Variants in FOXP1 observed in about 807,000 individuals in gnomAD.
FOXP1 encodes forkhead box protein P1.
In FOXP1, 15 loss-of-function variants were observed where a neutral mutation model predicts 98.2. The ratio of observed to expected loss-of-function variants is 0.15; its 90% CI spans 0.10 to 0.24. The LOEUF is 0.24. Ranked by LOEUF, FOXP1 falls within the 10% of genes least tolerant of loss-of-function variation. FOXP1 has a pLI of 1.00. For synonymous variants in FOXP1, 371 were observed against 314.5 expected, an observed-to-expected ratio of 1.18 and a Z score of -1.90; for missense variants, 633 against 848.5, an observed-to-expected ratio of 0.75 and a Z score of 3.15.
At chr3:71,361,298 C>T (rs1207161736) in intron 3 of FOXP1, among the ~76,000 whole-genome samples, 1 of 152,116 alleles carries the variant, frequency 6.6e-6, no homozygotes, top group African/African-American at 2.4e-5. Flanking sequence ...AGTGGATTTA[C>T]ACTGGCTGCC....
intron 18 of FOXP1, chr3:70,972,111 A>G (rs755972737): frequency 1.3e-6 from 2 of 1,533,636 alleles, no homozygotes; most frequent in Non-Finnish European, 1.7e-6. Flanking sequence ...TCAACTGTCC[A>G]AAAGGACCCA....
chr3:71,131,465 G>A (rs1467147478), intron 6 of FOXP1, among the ~76,000 whole-genome samples: 3 of 151,004 alleles, frequency 2.0e-5, no homozygotes, highest in Non-Finnish European at 4.4e-5. Flanking sequence ...TTGCTCTTGT[G>A]GCAATGTTCT....
intron 2 of FOXP1, among the ~76,000 whole-genome samples, chr3:71,554,434 C>T (rs1395934198): frequency 2.0e-5 from 3 of 152,058 alleles, no homozygotes; most frequent in Admixed American, 2.0e-4. Flanking sequence ...CAATGTTAAA[C>T]TTTTTAATGG....
chr3:71,579,048 G>A (rs957075692), intron 2 of FOXP1, among the ~76,000 whole-genome samples: 3 of 152,114 alleles, frequency 2.0e-5, no homozygotes, highest in African/African-American at 7.2e-5. Context: ...GTGCACCATG[G>A]TTATGAAACT....
In FOXP1 at chr3:70,981,191, CAAAAAAAAAAAA is replaced by C. The variant is rs71104406; in HGVS notation, c.1147-3174_1147-3163del. ...ATCGCACCACTAGGACTCTTTCTAC[CAAAAAAAAAAAA>C]AAAAAAAAAAAAAAAGCAACAGCGA... On this transcript the variant is annotated intron_variant, in intron 14 of 20. Coordinates refer to ENST00000649528, the MANE Select transcript of FOXP1 (RefSeq NM_001349338.3). 1.3e-4 allele frequency among the ~76,000 whole-genome samples: 8 copies of C among 59,954 alleles called. 1 individual carries two copies. The highest frequency in any genetic ancestry group is 7.1e-5 in the Non-Finnish European group (2 of 28,184). The allele number at this position is 59,954 out of a possible 152,430, so 39.3% of individuals were successfully genotyped here. A position where few individuals can be genotyped will look rare whatever the true frequency, so the allele number is the denominator to read the frequency against.
intron 4 of FOXP1, among the ~76,000 whole-genome samples, chr3:71,321,291 C>G (rs934322972): frequency 2.0e-5 from 3 of 152,174 alleles, no homozygotes; most frequent in African/African-American, 7.2e-5. Flanking sequence ...TCGCAGTTGG[C>G]CTTCAAAACA....
At chr3:71,343,672 C>CT (rs1486013426) in intron 4 of FOXP1, among the ~76,000 whole-genome samples, 1 of 151,054 alleles carries the variant, frequency 6.6e-6, no homozygotes, top group East Asian at 1.9e-4. Flanking sequence ...TCTCCTGCCT[C>CT]TGAGACTACA....
chr3:71,015,524 G>A (rs745935282), intron 12 of FOXP1, 25 bp downstream of exon 12: 9 of 1,536,160 alleles, frequency 5.9e-6, no homozygotes, highest in African/African-American at 1.4e-5. Context: ...TGTAAAAGAA[G>A]AAAACAAAAT....
intron 4 of FOXP1, among the ~76,000 whole-genome samples, chr3:71,347,096 A>C (rs529862325): frequency 7.9e-5 from 12 of 152,330 alleles, no homozygotes; most frequent in African/African-American, 2.9e-4. Flanking sequence ...CCCAGACCGC[A>C]TCTTTCTCTC....
chr3:71,193,276 T>C (rs1442559530), intron 6 of FOXP1, among the ~76,000 whole-genome samples: 8 of 125,232 alleles, frequency 6.4e-5, no homozygotes, highest in Non-Finnish European at 1.3e-4. Context: ...GCCTCCAGAG[T>C]AGCTGGGACT....
intron 11 of FOXP1, 66 bp from the exon 12 acceptor site, chr3:71,015,719 G>A: frequency 2.6e-6 from 3 of 1,152,914 alleles, no homozygotes; most frequent in Non-Finnish European, 3.9e-6. Flanking sequence ...ACCAGACGAG[G>A]ATAAAAAAGG....
intron 7 of FOXP1, among the ~76,000 whole-genome samples, chr3:71,081,383 G>T (rs553907220): frequency 6.6e-6 from 1 of 152,238 alleles, no homozygotes; most frequent in East Asian, 1.9e-4. Context: ...AATAGATTTA[G>T]CGATCATCTT....
At chr3:71,245,841 T>C (rs534240673) in intron 5 of FOXP1, among the ~76,000 whole-genome samples, 2 of 137,828 alleles carry the variant, frequency 1.5e-5, no homozygotes, top group Admixed American at 7.5e-5. Flanking sequence ...TAAAATACTG[T>C]TGTCAAATCA....
chr3:71,477,003 A>G (rs1304215044), intron 3 of FOXP1, among the ~76,000 whole-genome samples: 2 of 152,224 alleles, frequency 1.3e-5, no homozygotes, highest in Non-Finnish European at 2.9e-5. Flanking sequence ...GCTCTTGTTA[A>G]GAGACACCTT....
At chr3:71,270,356 C>T (rs893148449) in intron 5 of FOXP1, among the ~76,000 whole-genome samples, 1 of 152,088 alleles carries the variant, frequency 6.6e-6, no homozygotes, top group African/African-American at 2.4e-5. Context: ...TGTGCCTCTA[C>T]GACAAGGCAG....
chr3:71,028,469 G>C (rs1033885442), intron 11 of FOXP1, among the ~76,000 whole-genome samples: 3 of 152,190 alleles, frequency 2.0e-5, no homozygotes, highest in African/African-American at 4.8e-5. Flanking sequence ...CCTCCAGGGG[G>C]ATTCTGAGGC....
intron 2 of FOXP1, among the ~76,000 whole-genome samples, chr3:71,527,124 G>A (rs1289069183): frequency 6.6e-6 from 1 of 152,142 alleles, no homozygotes; most frequent in African/African-American, 2.4e-5. Flanking sequence ...GAAGAACACA[G>A]GCAAGGTATC....
At chr3:71,124,143 A>AAAAG (rs2058987696) in intron 6 of FOXP1, among the ~76,000 whole-genome samples, 1 of 117,792 alleles carries the variant, frequency 8.5e-6, no homozygotes, top group Admixed American at 9.9e-5. Context: ...ATATTTTTTT[A>AAAAG]AAAAAAAAAT....
intron 5 of FOXP1, among the ~76,000 whole-genome samples, chr3:71,260,945 G>A (rs1019946982): frequency 6.6e-6 from 1 of 152,046 alleles, no homozygotes; most frequent in Non-Finnish European, 1.5e-5. Context: ...ATGAGCTTTC[G>A]ACCACACACC....
Sources: gnomAD v4.1 joint callset for allele counts (sites outside exome capture counted in the v4.1 genomes callset) on GRCh38, gnomAD v4.1.1 for gene constraint, MANE v1.5 for transcripts, NCBI Gene and HGNC (gene_info 2026-07-23, HGNC 2026-07-21) for gene names.